The following CNKSR2 variants were observed in gnomAD, a reference collection of about 807,000 sequenced individuals.
CNKSR2 encodes the protein connector enhancer of kinase suppressor of Ras 2, also known as CNK homolog protein 2.
In CNKSR2, 14 loss-of-function variants were observed where a neutral mutation model predicts 84.4. The ratio of observed to expected loss-of-function variants is 0.17; its 90% confidence interval spans 0.11 to 0.26. The LOEUF (loss-of-function observed/expected upper bound fraction) is 0.26. Ranked by LOEUF, CNKSR2 falls within the 10% of genes least tolerant of loss-of-function variation. The pLI is 1.00. For missense variants in CNKSR2, 485 were observed against 771.2 expected (o/e 0.63, Z 4.40); for synonymous variants, 275 against 277.9 (o/e 0.99, Z 0.10).
intron 5 of CNKSR2, among the ~76,000 whole-genome samples, chrX:21,482,518 C>T (rs375585173): frequency 1.8e-5 from 2 of 112,178 alleles, no homozygotes; most frequent in East Asian, 5.6e-4. Context: ...CTAACACTGT[C>T]AATAAGCTTT....
intron 1 of CNKSR2, among the ~76,000 whole-genome samples, chrX:21,406,493 A>G (rs138070062): frequency 1.8e-5 from 2 of 111,671 alleles, no homozygotes; most frequent in Admixed American, 9.5e-5. Flanking sequence ...TTATATATAT[A>G]TGTACTGATG....
intron 20 of CNKSR2, among the ~76,000 whole-genome samples, chrX:21,635,037 A>G (rs2092663952): frequency 9.3e-6 from 1 of 107,512 alleles, no homozygotes; most frequent in South Asian, 4.2e-4. Context: ...TCACGATTCA[A>G]TTAGGTAATA....
At chrX:21,602,416 A>G (rs778467496) in intron 18 of CNKSR2, among the ~76,000 whole-genome samples, 1 of 111,970 alleles carries the variant, frequency 8.9e-6, no homozygotes, top group East Asian at 2.8e-4. Flanking sequence ...CGATCTCCCA[A>G]AATGCTGGGA....
intron 20 of CNKSR2, chrX:21,641,662 A>G: frequency 3.5e-6 from 4 of 1,138,240 alleles, no homozygotes; most frequent in Non-Finnish European, 4.7e-6. Flanking sequence ...GAGAGTCGGT[A>G]CGGCGCAGAC....
At chrX:21,477,046 A>G (rs891160244) in intron 5 of CNKSR2, among the ~76,000 whole-genome samples, 2 of 111,862 alleles carry the variant, frequency 1.8e-5, no homozygotes, top group African/African-American at 3.3e-5. Context: ...CTGAGAAGTC[A>G]TTTCAGAGCT....
chrX:21,444,708 T>C (rs1239121604), intron 4 of CNKSR2, among the ~76,000 whole-genome samples: 1 of 109,751 alleles, frequency 9.1e-6, no homozygotes, highest in Non-Finnish European at 1.9e-5. Flanking sequence ...GATGCTCTGC[T>C]TACTTTTGGT....
chrX:21,386,303 C>T (rs986408734), intron 1 of CNKSR2, among the ~76,000 whole-genome samples: 2 of 111,630 alleles, frequency 1.8e-5, no homozygotes, highest in East Asian at 5.6e-4. Context: ...TAATTCATCT[C>T]CTCAAATTGT....
At chrX:21,469,266 C>T (rs947316337) in intron 4 of CNKSR2, among the ~76,000 whole-genome samples, 32 of 111,953 alleles carry the variant, frequency 2.9e-4, no homozygotes, top group African/African-American at 9.7e-4. Context: ...TGGGCAAGTT[C>T]CCAACTTTTC....
intron 20 of CNKSR2, among the ~76,000 whole-genome samples, chrX:21,610,947 T>C (rs780416935): frequency 6.2e-5 from 7 of 112,036 alleles, no homozygotes; most frequent in Admixed American, 9.5e-5. Flanking sequence ...TGTAATAAAA[T>C]TCATATGCTG....
intron 5 of CNKSR2, among the ~76,000 whole-genome samples, chrX:21,485,200 A>C (rs1455596782): frequency 9.0e-6 from 1 of 111,561 alleles, no homozygotes; most frequent in Admixed American, 9.6e-5. Flanking sequence ...AATAATAATA[A>C]CAATAGTAGC....
At chrX:21,473,376 A>G (rs1456061131) in intron 5 of CNKSR2, among the ~76,000 whole-genome samples, 1 of 112,105 alleles carries the variant, frequency 8.9e-6, no homozygotes, top group African/African-American at 3.2e-5. Flanking sequence ...ATAATTTTTT[A>G]GAATAATAAA....
intron 11 of CNKSR2, among the ~76,000 whole-genome samples, chrX:21,548,006 A>G (rs1217291564): frequency 8.9e-6 from 1 of 111,978 alleles, no homozygotes; most frequent in Non-Finnish European, 1.9e-5. Context: ...CCCTAACATG[A>G]CAATTAAAAG....
At chrX:21,478,268 C>T (rs1021912574) in intron 5 of CNKSR2, among the ~76,000 whole-genome samples, 2 of 111,348 alleles carry the variant, frequency 1.8e-5, no homozygotes, top group Admixed American at 9.6e-5. Context: ...GATTTTGACA[C>T]TTTGGTGGTT....
intron 1 of CNKSR2, among the ~76,000 whole-genome samples, chrX:21,411,935 C>G (rs761251961): frequency 9.0e-6 from 1 of 111,387 alleles, no homozygotes; most frequent in Non-Finnish European, 1.9e-5. Flanking sequence ...AATAGGCATT[C>G]AACAAATATT....
chrX:21,457,563 A>G (rs967089861), intron 4 of CNKSR2, among the ~76,000 whole-genome samples: 3 of 111,993 alleles, frequency 2.7e-5, no homozygotes, highest in Non-Finnish European at 5.6e-5. Flanking sequence ...TCATTGTATG[A>G]TACATCATGA....
At chrX:21,561,339 C>A in intron 11 of CNKSR2, 132 bp from the exon 12 acceptor site, 1 of 540,292 alleles carries the variant, frequency 1.9e-6, no homozygotes, top group Non-Finnish European at 3.2e-6. Flanking sequence ...TTTTCTCCAT[C>A]TACACAAATG....
intron 4 of CNKSR2, among the ~76,000 whole-genome samples, chrX:21,448,319 G>A (rs751883058): frequency 9.0e-5 from 10 of 111,480 alleles, no homozygotes; most frequent in East Asian, 8.4e-4. Context: ...AGGATTAGGC[G>A]TGTTCTATGA....
At chrX:21,402,970 G>C (rs2090212115) in intron 1 of CNKSR2, among the ~76,000 whole-genome samples, 1 of 111,258 alleles carries the variant, frequency 9.0e-6, no homozygotes, top group African/African-American at 3.3e-5. Context: ...TTGCATCTCA[G>C]ATCATTGGGG....
chrX:21,472,056 C>A (rs1386654107), intron 5 of CNKSR2, among the ~76,000 whole-genome samples: 1 of 111,711 alleles, frequency 9.0e-6, no homozygotes, highest in Admixed American at 9.5e-5. Flanking sequence ...AAAGCCCATG[C>A]CCTTTCCAGA....
Sources: allele counts gnomAD v4.1 joint callset (sites outside exome capture counted in the v4.1 genomes callset), GRCh38; gene constraint gnomAD v4.1.1; transcripts MANE v1.5; gene names NCBI Gene and HGNC (gene_info 2026-07-23, HGNC 2026-07-21).